Variants in ALG9 observed in about 807,000 individuals in gnomAD.
The protein encoded by ALG9 is ALG9 alpha-1,2-mannosyltransferase.
ALG9 carries 55 observed loss-of-function variants against 81.8 expected under a neutral mutation model. The observed-to-expected ratio is 0.67, with a 90% CI of 0.54 to 0.84. The LOEUF (loss-of-function observed/expected upper bound fraction) is 0.84, where lower values mean the gene tolerates loss of function less well. Among genes scored for constraint, ALG9 ranks in the 40% least tolerant of loss-of-function variants. ALG9 has a pLI of 0.00. For synonymous variants in ALG9, 278 were observed against 274.3 expected (o/e 1.01, Z -0.13); for missense variants, 629 against 745.0 (o/e 0.84, Z 1.81).
At chr11:111,771,212 A>C in the ALG9 span, 1 of 152,272 alleles carries the variant, frequency 6.6e-6, no homozygotes. Context: ...AGGGTGGATC[A>C]CCTGAGGTCA....
rs140495873 is a variant in ALG9 at position 111,864,692 on chromosome 11, T to C, written c.476+489A>G. Among the ~76,000 whole-genome samples the C allele has an allele frequency of 9.3e-3, 1,409 of 151,888 alleles. 19 individuals carry two copies. Among genetic ancestry groups the C allele is most frequent in the Non-Finnish European group, 0.014 (971 of 67,932 alleles). On this transcript the variant is annotated intron_variant, in intron 4 of 14. Transcript: ENST00000616540. ...GGCAGCAGCATACAATAAAACTCAG[T>C]ATGAAAAAAAAAGTTTTCTTTCCCA... is the stretch of plus-strand genomic sequence containing the variant.
At chr11:111,829,279 T>C (rs1555111543) in intron 13 of ALG9, 2 of 152,188 alleles carry the variant, frequency 1.3e-5, no homozygotes, top group Non-Finnish European at 2.9e-5. Flanking sequence ...TAACACATGA[T>C]CATGAAACAA....
chr11:111,871,177 A>C, intron 1 of ALG9, 175 bp downstream of exon 1: 1 of 1,297,574 alleles, frequency 7.7e-7, no homozygotes, highest in Non-Finnish European at 9.7e-7. Context: ...GTGGGCGAAG[A>C]CTGAATGCTG....
chr11:111,805,897 T>C (rs1395488923), intron 14 of ALG9, among the ~76,000 whole-genome samples: 6 of 152,122 alleles, frequency 3.9e-5, no homozygotes, highest in African/African-American at 7.2e-5. Flanking sequence ...GTCACCCAGG[T>C]TGGAGTTGGA....
chr11:111,835,370 G>A (rs1955063549), intron 13 of ALG9, among the ~76,000 whole-genome samples: 2 of 152,172 alleles, frequency 1.3e-5, no homozygotes, highest in East Asian at 3.8e-4. Context: ...CAAAGGAACT[G>A]AAGTAAAATT....
intron 8 of ALG9, chr11:111,849,874 A>G (rs1957490238): frequency 6.6e-6 from 1 of 152,204 alleles, no homozygotes; most frequent in Non-Finnish European, 1.5e-5. Flanking sequence ...TAATTTTCAG[A>G]TAAGAAACTG....
intron 14 of ALG9, among the ~76,000 whole-genome samples, chr11:111,790,212 A>G (rs775533262): frequency 2.1e-4 from 32 of 152,162 alleles, no homozygotes; most frequent in Admixed American, 4.6e-4. Context: ...GGTGCCTTTA[A>G]TCTCAGCTAC....
chr11:111,811,959 A>G (rs1182984321), intron 13 of ALG9, among the ~76,000 whole-genome samples: 4 of 152,180 alleles, frequency 2.6e-5, no homozygotes, highest in African/African-American at 4.8e-5. Context: ...AAGCCATTGA[A>G]TTGTATGCTT....
At chr11:111,803,361 C>T (rs1202124724) in intron 14 of ALG9, among the ~76,000 whole-genome samples, 1 of 151,872 alleles carries the variant, frequency 6.6e-6, no homozygotes, top group Non-Finnish European at 1.5e-5. Flanking sequence ...AATAGCCAGG[C>T]ATGGTGGCAC....
chr11:111,776,077 T>C, the ALG9 span, among the ~76,000 whole-genome samples: 1 of 152,012 alleles, frequency 6.6e-6, no homozygotes, highest in African/African-American at 2.4e-5. Context: ...CTGACGTAAG[T>C]GGGGCGTGGT....
intron 4 of ALG9, among the ~76,000 whole-genome samples, chr11:111,863,864 G>T (rs1304995998): frequency 6.6e-6 from 1 of 152,082 alleles, no homozygotes; most frequent in African/African-American, 2.4e-5. Flanking sequence ...CGAAAATAGG[G>T]TTCTACTAAA....
At chr11:111,818,202 G>A (rs1420952034) in intron 13 of ALG9, among the ~76,000 whole-genome samples, 4 of 152,254 alleles carry the variant, frequency 2.6e-5, no homozygotes, top group African/African-American at 9.6e-5. Flanking sequence ...TACACCTAAT[G>A]AGGTGGGAAG....
At chr11:111,869,675 C>T (rs1555156559) in intron 2 of ALG9, among the ~76,000 whole-genome samples, 2 of 152,198 alleles carry the variant, frequency 1.3e-5, no homozygotes, top group East Asian at 1.9e-4. Flanking sequence ...GTAAATCATC[C>T]GCTTAGAATA....
chr11:111,797,181 G>A (rs1233864070), intron 14 of ALG9, among the ~76,000 whole-genome samples: 1 of 152,218 alleles, frequency 6.6e-6, no homozygotes, highest in Admixed American at 6.5e-5. Flanking sequence ...TTCCCCTTGA[G>A]CATGAGCTAT....
At chr11:111,781,967 C>T (rs550300978), downstream of ALG9, among the ~76,000 whole-genome samples, 7 of 152,276 alleles carry the variant, frequency 4.6e-5, no homozygotes, top group South Asian at 1.5e-3. Context: ...TCCTACTGTG[C>T]GTGGTTTTAA....
chr11:111,804,888 A>G (rs1949694208), intron 14 of ALG9, among the ~76,000 whole-genome samples: 1 of 152,254 alleles, frequency 6.6e-6, no homozygotes, highest in Admixed American at 6.5e-5. Context: ...CCACTTTGGA[A>G]GACAATCTGG....
downstream of ALG9, among the ~76,000 whole-genome samples, chr11:111,778,844 C>T (rs1184510883): frequency 6.9e-6 from 1 of 143,982 alleles, no homozygotes; most frequent in Non-Finnish European, 1.5e-5. Context: ...GACAGAGTTT[C>T]GCTCTTGTTG....
At chr11:111,849,950 C>A (rs1957504911) in intron 8 of ALG9, among the ~76,000 whole-genome samples, 1 of 152,090 alleles carries the variant, frequency 6.6e-6, no homozygotes, top group Non-Finnish European at 1.5e-5. Flanking sequence ...AAAACAATGC[C>A]AAATAGTGCC....
intron 6 of ALG9, among the ~76,000 whole-genome samples, chr11:111,856,192 G>C (rs1024822045): frequency 6.7e-6 from 1 of 148,926 alleles, no homozygotes; most frequent in Non-Finnish European, 1.5e-5. Context: ...CAGGAGAATT[G>C]CTTGAACCCG....
Sources: gnomAD v4.1 joint callset for allele counts (sites outside exome capture counted in the v4.1 genomes callset) on GRCh38, gnomAD v4.1.1 for gene constraint, MANE v1.5 for transcripts, NCBI Gene and HGNC (gene_info 2026-07-23, HGNC 2026-07-21) for gene names.